Variants in ADARB2 observed in about 807,000 individuals in gnomAD.
ADARB2 encodes the protein inactive double-stranded RNA-specific editase B2.
ADARB2 carries 25 observed loss-of-function variants against 62.2 expected under a neutral mutation model. The observed-to-expected ratio is 0.40, with a 90% CI of 0.29 to 0.56. The LOEUF (loss-of-function observed/expected upper bound fraction) is 0.56. Among genes scored for constraint, ADARB2 ranks in the 20% least tolerant of loss-of-function variants. The pLI is 0.43. For missense variants in ADARB2, 1,071 were observed against 1,077.4 expected, an observed-to-expected ratio of 0.99 and a Z score of 0.08; for synonymous variants, 572 against 500.8, an observed-to-expected ratio of 1.14 and a Z score of -1.90.
intron 7 of ADARB2, among the ~76,000 whole-genome samples, chr10:1,205,750 C>T (rs912683575): frequency 2.6e-5 from 4 of 152,268 alleles, no homozygotes; most frequent in Non-Finnish European, 5.9e-5. Flanking sequence ...CCAAGAGGAG[C>T]GGATTCCTGT....
intron 1 of ADARB2, among the ~76,000 whole-genome samples, chr10:1,383,926 C>A (rs937052067): frequency 6.6e-6 from 1 of 152,184 alleles, no homozygotes; most frequent in Non-Finnish European, 1.5e-5. Flanking sequence ...TCTTCCTTGC[C>A]TTTGCCTTTG....
chr10:1,616,829 C>G lies in ADARB2; in HGVS notation c.100+120222G>C, dbSNP rs11596477. On this transcript the variant is annotated intron_variant, in intron 1 of 9. Transcript: ENST00000381312. ...TCTGTTGCTAGATGTTTGTGTGCCTCTCCAGACACACTCCACACCGCCCTG... is the reference window on the plus strand; with the variant it reads ...TCTGTTGCTAGATGTTTGTGTGCCTGTCCAGACACACTCCACACCGCCCTG... Among the ~76,000 whole-genome samples the G allele has an allele frequency of 4.5e-3, 301 of 67,178 alleles. 28 individuals are homozygous for G. The highest frequency in any genetic ancestry group is 5.6e-3 in the Admixed American group (35 of 6,300). 44.1% of individuals were successfully genotyped at this position (67,178 alleles called of 152,430 possible). A position where few individuals can be genotyped will look rare whatever the true frequency, so the allele number is the denominator to read the frequency against.
At chr10:1,561,755 G>A (rs1185023487) in intron 1 of ADARB2, among the ~76,000 whole-genome samples, 1 of 152,090 alleles carries the variant, frequency 6.6e-6, no homozygotes, top group Non-Finnish European at 1.5e-5. Flanking sequence ...GGCTCCTCCT[G>A]CCCGAAGACC....
chr10:1,269,237 G>A (rs758467327), intron 4 of ADARB2, among the ~76,000 whole-genome samples: 155 of 151,938 alleles, frequency 1.0e-3, no homozygotes, highest in Non-Finnish European at 1.9e-3. Flanking sequence ...CCAAAGTTTT[G>A]TTTATATGGA....
intron 1 of ADARB2, among the ~76,000 whole-genome samples, chr10:1,408,353 T>C (rs898060262): frequency 6.6e-6 from 1 of 152,242 alleles, no homozygotes; most frequent in African/African-American, 2.4e-5. Context: ...AGATATTGTG[T>C]AGATACGTGC....
chr10:1,540,336 C>T lies in ADARB2; in HGVS notation c.101-161176G>A, dbSNP rs548760836. Among the ~76,000 whole-genome samples, 4 of 138,968 alleles carry T rather than the reference C, an allele frequency of 2.9e-5. No individual in the cohort carries two copies. The East Asian group carries it at 5.9e-4, about 20-fold the overall frequency. The allele number at this position is 138,968 out of a possible 152,430, so 91.2% of individuals were successfully genotyped here. A position where few individuals can be genotyped will look rare whatever the true frequency, so the allele number is the denominator to read the frequency against. ...AACTCAGTCTATGCCACCGAGGGCA[C>T]GTCAGGCAACAGCCCCCGCCCTCCT... On this transcript the variant is annotated intron_variant, in intron 1 of 9. Coordinates refer to ENST00000381312, the MANE Select transcript of ADARB2 (RefSeq NM_018702.4).
chr10:1,324,256 A>G (rs1188356228), intron 3 of ADARB2, among the ~76,000 whole-genome samples: 3 of 152,218 alleles, frequency 2.0e-5, no homozygotes, highest in Non-Finnish European at 4.4e-5. Context: ...GCCACAATAA[A>G]GGCTGAGAAG....
intron 1 of ADARB2, among the ~76,000 whole-genome samples, chr10:1,531,147 G>A (rs909518079): frequency 1.3e-5 from 2 of 152,210 alleles, no homozygotes; most frequent in African/African-American, 4.8e-5. Flanking sequence ...CCATAGGTTC[G>A]CTGAGTGCCT....
At chr10:1,580,092 T>C (rs1486893433) in intron 1 of ADARB2, among the ~76,000 whole-genome samples, 1 of 152,226 alleles carries the variant, frequency 6.6e-6, no homozygotes, top group Non-Finnish European at 1.5e-5. Flanking sequence ...CTATGCTGTG[T>C]GCCAGATTTC....
rs1041153463 is a variant in ADARB2, at chr10:1,182,764, A to C, written c.*429T>G. On this transcript the variant is annotated 3_prime_UTR_variant, in exon 10 of 10. Coordinates refer to ENST00000381312, the MANE Select transcript of ADARB2 (RefSeq NM_018702.4). ...TGGCTTTTCTCTTCATTTGTGGCTT[A>C]TCTTCATGTGCCCCCTCAAGCTAGT... The C allele has an allele frequency of 1.7e-4, 28 of 160,744 alleles. No individual in the cohort carries two copies. Among genetic ancestry groups the C allele is most frequent in the Non-Finnish European group, 3.6e-4 (27 of 74,042 alleles). The allele number at this position is 160,744 out of a possible 1,614,324, so 10.0% of individuals were successfully genotyped here.
chr10:1,601,215 G>C (rs1307826838), intron 1 of ADARB2, among the ~76,000 whole-genome samples: 2 of 152,202 alleles, frequency 1.3e-5, no homozygotes, highest in Non-Finnish European at 2.9e-5. Context: ...AGACTCAGTG[G>C]GAGCTTCCCT....
At chr10:1,473,472 C>T (rs1182039181) in intron 1 of ADARB2, among the ~76,000 whole-genome samples, 2 of 152,054 alleles carry the variant, frequency 1.3e-5, no homozygotes, top group Non-Finnish European at 2.9e-5. Context: ...CTTCACTTCC[C>T]GGGCTCAAGG....
At chr10:1,711,701 A>G (rs1380915199) in intron 1 of ADARB2, among the ~76,000 whole-genome samples, 1 of 152,218 alleles carries the variant, frequency 6.6e-6, no homozygotes, top group Admixed American at 6.5e-5. Flanking sequence ...GGCATTGCCA[A>G]AGCTCTCGAG....
At chr10:1,457,092 C>T (rs1477348703) in intron 1 of ADARB2, among the ~76,000 whole-genome samples, 1 of 152,198 alleles carries the variant, frequency 6.6e-6, no homozygotes, top group African/African-American at 2.4e-5. Flanking sequence ...AAAGAGATGA[C>T]ATGGCACAAT....
chr10:1,697,394 C>T (rs1588356451), intron 1 of ADARB2, among the ~76,000 whole-genome samples: 3 of 152,330 alleles, frequency 2.0e-5, no homozygotes, highest in South Asian at 4.1e-4. Flanking sequence ...TGAACATTGA[C>T]TGAACACTGA....
At chr10:1,558,360 G>T (rs1454124228) in intron 1 of ADARB2, among the ~76,000 whole-genome samples, 1 of 141,788 alleles carries the variant, frequency 7.1e-6, no homozygotes, top group Non-Finnish European at 1.5e-5. Context: ...TTCTGTGGGT[G>T]CTCAGCCCCC....
At chr10:1,220,436 G>A (rs1222352607) in intron 6 of ADARB2, among the ~76,000 whole-genome samples, 2 of 151,788 alleles carry the variant, frequency 1.3e-5, no homozygotes, top group Admixed American at 1.3e-4. Flanking sequence ...GATGATGGTG[G>A]TGATGATAAA....
intron 1 of ADARB2, among the ~76,000 whole-genome samples, chr10:1,484,078 G>A (rs924450935): frequency 6.6e-6 from 1 of 152,082 alleles, no homozygotes; most frequent in African/African-American, 2.4e-5. Context: ...TTGATGTGAC[G>A]TCTTCACAAT....
At chr10:1,348,321 G>A (rs955710071) in intron 3 of ADARB2, among the ~76,000 whole-genome samples, 4 of 152,208 alleles carry the variant, frequency 2.6e-5, no homozygotes, top group Admixed American at 6.5e-5. Flanking sequence ...TGGGGAGTCT[G>A]GGATGTGGGT....
Sources: gnomAD v4.1 joint callset for allele counts (sites outside exome capture counted in the v4.1 genomes callset) on GRCh38, gnomAD v4.1.1 for gene constraint, MANE v1.5 for transcripts, NCBI Gene and HGNC (gene_info 2026-07-23, HGNC 2026-07-21) for gene names.